Variants in GYPC observed in about 807,000 individuals in gnomAD.
The protein encoded by GYPC is glycophorin-C.
A neutral mutation model predicts 12.6 loss-of-function variants in GYPC; 14 were observed. The observed-to-expected ratio is 1.11, with a 90% CI of 0.74 to 1.74. The LOEUF is 1.74. Ranked by LOEUF, GYPC falls within the 40% of genes most tolerant of loss-of-function variation. The pLI is 0.00. For missense variants in GYPC, 225 were observed against 172.1 expected, an observed-to-expected ratio of 1.31 and a Z score of -1.72; for synonymous variants, 78 against 62.1, an observed-to-expected ratio of 1.26 and a Z score of -1.20.
At chr2:126,692,321 C>T (rs553396487) in intron 2 of GYPC, among the ~76,000 whole-genome samples, 5 of 152,258 alleles carry the variant, frequency 3.3e-5, no homozygotes, top group African/African-American at 1.2e-4. Flanking sequence ...TAGCTTGGCC[C>T]ATCTGTGTCC....
chr2:126,676,275 A>G (rs889123101), intron 1 of GYPC, among the ~76,000 whole-genome samples: 12 of 152,370 alleles, frequency 7.9e-5, no homozygotes, highest in African/African-American at 2.9e-4. Context: ...ATTAAGTGTT[A>G]GCTTTCAAAC....
chr2:126,667,695 G>A (rs1303150344), intron 1 of GYPC, among the ~76,000 whole-genome samples: 9 of 152,152 alleles, frequency 5.9e-5, no homozygotes, highest in Admixed American at 3.9e-4. Context: ...GAGCCACCAC[G>A]CCTGGCCTGT....
intron 1 of GYPC, among the ~76,000 whole-genome samples, chr2:126,677,701 C>T (rs1269753023): frequency 6.6e-6 from 1 of 152,110 alleles, no homozygotes; most frequent in Admixed American, 6.5e-5. Context: ...CGTAATCCTT[C>T]GCTAGGGATG....
chr2:126,689,960 A>G (rs1018619581), intron 1 of GYPC, among the ~76,000 whole-genome samples: 1 of 152,212 alleles, frequency 6.6e-6, no homozygotes, highest in African/African-American at 2.4e-5. Context: ...TTGAGCATCT[A>G]CCACATGCAG....
chr2:126,666,074 C>T (rs1294714868), intron 1 of GYPC, among the ~76,000 whole-genome samples: 5 of 152,210 alleles, frequency 3.3e-5, no homozygotes, highest in African/African-American at 1.2e-4. Flanking sequence ...CCCGGAACCA[C>T]TTGTGTTCCC....
chr2:126,677,414 T>A (rs760040146), intron 1 of GYPC, among the ~76,000 whole-genome samples: 4 of 150,658 alleles, frequency 2.7e-5, no homozygotes, highest in Non-Finnish European at 5.9e-5. Flanking sequence ...AGTGTGTAAG[T>A]GTGTGAGAGA....
chr2:126,665,271 C>T (rs536942427), intron 1 of GYPC, among the ~76,000 whole-genome samples: 1 of 150,426 alleles, frequency 6.6e-6, no homozygotes, highest in African/African-American at 2.5e-5. Context: ...GAGAGAGAGA[C>T]TAGTTCATAT....
At chr2:126,693,134 T>A (rs961076208) in intron 2 of GYPC, among the ~76,000 whole-genome samples, 59 of 152,356 alleles carry the variant, frequency 3.9e-4, no homozygotes, top group African/African-American at 1.3e-3. Context: ...GGGAGATATT[T>A]GAGTCACAGG....
At chr2:126,680,699 G>A (rs1018043422) in intron 1 of GYPC, among the ~76,000 whole-genome samples, 1 of 152,176 alleles carries the variant, frequency 6.6e-6, no homozygotes, top group Non-Finnish European at 1.5e-5. Context: ...TGCAGCCCAG[G>A]GAAAGGGTGA....
chr2:126,677,672 C>A (rs911843723), intron 1 of GYPC, among the ~76,000 whole-genome samples: 2 of 152,082 alleles, frequency 1.3e-5, no homozygotes, highest in Non-Finnish European at 1.5e-5. Flanking sequence ...CTCAGTGCTG[C>A]TTTGTATGTG....
rs1055956192 is a variant in GYPC at position 126,680,620 on chromosome 2, C to T, written c.50-9635C>T. ...AGGTCAGAACTTCCCTTCATTTCCA[C>T]CTGCAGAAGCAAGGGACTGGGGGTG... is the stretch of plus-strand genomic sequence containing the variant. On this transcript the variant is annotated intron_variant, in intron 1 of 3. Coordinates refer to ENST00000259254, the MANE Select transcript of GYPC (RefSeq NM_002101.5). 3.3e-5 allele frequency among the ~76,000 whole-genome samples: 5 copies of T among 152,312 alleles called. No individual in the cohort carries two copies. In the South Asian group the frequency reaches 1.0e-3, roughly 32 times the overall value.
At chr2:126,657,413 CAAAGTAGG>C (rs1682394187) in intron 1 of GYPC, among the ~76,000 whole-genome samples, 2 of 152,174 alleles carry the variant, frequency 1.3e-5, no homozygotes, top group African/African-American at 4.8e-5. Flanking sequence ...TCCTCATCTG[CAAAGTAGG>C]AAAGTAGGAA....
chr2:126,695,103 G>T (rs1683602053), intron 3 of GYPC, among the ~76,000 whole-genome samples: 1 of 152,200 alleles, frequency 6.6e-6, no homozygotes, highest in Non-Finnish European at 1.5e-5. Flanking sequence ...AATGGGAGCA[G>T]GGTAGGGTGA....
At chr2:126,689,332 C>T (rs1027595358) in intron 1 of GYPC, among the ~76,000 whole-genome samples, 2 of 152,156 alleles carry the variant, frequency 1.3e-5, no homozygotes, top group African/African-American at 4.8e-5. Context: ...GGTGTTCTTC[C>T]TGTGAGATGG....
Position 126,677,992 on chromosome 2 carries a change from T to G in GYPC, c.50-12263T>G, listed in dbSNP as rs540546648. On this transcript the variant is annotated intron_variant, in intron 1 of 3. Coordinates refer to ENST00000259254, the MANE Select transcript of GYPC (RefSeq NM_002101.5). ...ATCCCAGCACTTTGGGAGGCCAAGG[T>G]GGGCGGATCACGAGGTCAGGAGATC... Among the ~76,000 whole-genome samples, 234 of 152,254 alleles carry G rather than the reference T, an allele frequency of 1.5e-3. 1 individual carries two copies. Among genetic ancestry groups the G allele is most frequent in the African/African-American group, 5.4e-3 (225 of 41,528 alleles).
intron 2 of GYPC, among the ~76,000 whole-genome samples, chr2:126,691,863 T>A (rs1387868778): frequency 6.6e-6 from 1 of 152,168 alleles, no homozygotes; most frequent in African/African-American, 2.4e-5. Context: ...CTGGAAAATT[T>A]CTGAGGGCAG....
At chr2:126,684,724 C>T (rs1683238915) in intron 1 of GYPC, among the ~76,000 whole-genome samples, 2 of 152,146 alleles carry the variant, frequency 1.3e-5, no homozygotes, top group South Asian at 4.1e-4. Context: ...AAAAGGTTTG[C>T]TGAAGGAAAG....
intron 1 of GYPC, among the ~76,000 whole-genome samples, chr2:126,677,128 G>C (rs531260775): frequency 6.2e-4 from 95 of 152,340 alleles, no homozygotes; most frequent in Non-Finnish European, 3.5e-4. Context: ...GTCAGTGTGT[G>C]TGCATGTTTG....
At chr2:126,689,470 A>T (rs184901527) in intron 1 of GYPC, among the ~76,000 whole-genome samples, 1 of 151,880 alleles carries the variant, frequency 6.6e-6, no homozygotes, top group East Asian at 1.9e-4. Flanking sequence ...CTCATGTTGA[A>T]ATTTGGTTCC....
Sources: allele counts gnomAD v4.1 joint callset (sites outside exome capture counted in the v4.1 genomes callset), GRCh38; gene constraint gnomAD v4.1.1; transcripts MANE v1.5; gene names NCBI Gene and HGNC (gene_info 2026-07-23, HGNC 2026-07-21).